The following FBXL4 variants were observed in gnomAD, a reference collection of about 807,000 sequenced individuals.
FBXL4 encodes F-box/LRR-repeat protein 4.
In FBXL4, 40 loss-of-function variants were observed where a neutral mutation model predicts 58.9. The ratio of observed to expected loss-of-function variants is 0.68; its 90% CI spans 0.53 to 0.88. The LOEUF (loss-of-function observed/expected upper bound fraction) is 0.88, where lower values mean the gene tolerates loss of function less well. FBXL4 is among the 40% of genes least tolerant of loss of function. FBXL4 has a pLI of 0.00. For missense variants in FBXL4, 676 were observed against 734.4 expected, an observed-to-expected ratio of 0.92 and a Z score of 0.92; for synonymous variants, 263 against 265.5, an observed-to-expected ratio of 0.99 and a Z score of 0.09.
At chr6:98,929,618 G>C (rs1188301624) in intron 2 of FBXL4, among the ~76,000 whole-genome samples, 3 of 149,334 alleles carry the variant, frequency 2.0e-5, no homozygotes, top group Non-Finnish European at 3.0e-5. Flanking sequence ...GCAGAAAAAA[G>C]AAAGTCAATG....
chr6:98,917,865 T>C (rs1772429839), intron 4 of FBXL4, 146 bp from the exon 5 acceptor site: 3 of 585,036 alleles, frequency 5.1e-6, no homozygotes. Context: ...GTTCCCAAGA[T>C]ATAAAAAACT....
At position 98,922,418 on chromosome 6, in the gene FBXL4, C is replaced by T. The variant is rs1212621513; in HGVS notation, c.512+4059G>A. Among the ~76,000 whole-genome samples, 6 of 152,190 alleles carry T rather than the reference C, an allele frequency of 3.9e-5. No individual in the cohort carries two copies. In the East Asian group the frequency reaches 1.2e-3, roughly 29 times the overall value. On this transcript the variant is annotated intron_variant, in intron 4 of 9. Coordinates refer to ENST00000369244, the MANE Select transcript of FBXL4 (RefSeq NM_001278716.2). ...CAATTTCCTGCAAATTCCTGAGCTA[C>T]TCCAACACATTCTTGTTTGTTAACT...
At chr6:98,912,947 A>G (rs1772157536) in intron 5 of FBXL4, among the ~76,000 whole-genome samples, 1 of 152,012 alleles carries the variant, frequency 6.6e-6, no homozygotes, top group Non-Finnish European at 1.5e-5. Flanking sequence ...ACGTGCAGAG[A>G]CACACATAGG....
At chr6:98,924,660 A>G (rs1772706514) in intron 4 of FBXL4, among the ~76,000 whole-genome samples, 1 of 152,218 alleles carries the variant, frequency 6.6e-6, no homozygotes, top group African/African-American at 2.4e-5. Context: ...AAAACGACTA[A>G]TAACATTATT....
chr6:98,877,709 A>G (rs933624216), intron 8 of FBXL4, among the ~76,000 whole-genome samples: 2 of 152,218 alleles, frequency 1.3e-5, no homozygotes, highest in African/African-American at 4.8e-5. Flanking sequence ...GCAAGAATTT[A>G]AGTGACCTAA....
rs1582353920 is a variant in FBXL4 at position 98,872,300 on chromosome 6, C to T, written c.*1978G>A. The T allele has an allele frequency of 6.6e-6, 1 of 152,094 alleles. No individual in the cohort carries two copies. Among genetic ancestry groups the T allele is most frequent in the Non-Finnish European group, 1.5e-5 (1 of 68,020 alleles). The allele number at this position is 152,094 out of a possible 1,614,324, so 9.4% of individuals were successfully genotyped here. On this transcript the variant is annotated 3_prime_UTR_variant, in exon 10 of 10. Coordinates refer to ENST00000369244, the MANE Select transcript of FBXL4 (RefSeq NM_001278716.2). The stretch of plus-strand genomic sequence containing the variant: ...TAATAACATGCTAAAAGGAAAATAT[C>T]CAGAGAAGAAGTAACCTTTCAAGTG...
intron 1 of FBXL4, among the ~76,000 whole-genome samples, chr6:98,937,058 C>T (rs1298995527): frequency 6.6e-6 from 1 of 152,098 alleles, no homozygotes; most frequent in African/African-American, 2.4e-5. Flanking sequence ...GCCTGTAATC[C>T]CAGCATTTTG....
intron 3 of FBXL4, 77 bp from the exon 4 acceptor site, chr6:98,927,137 C>A: frequency 3.1e-6 from 2 of 654,652 alleles, no homozygotes; most frequent in Non-Finnish European, 5.0e-6. Context: ...AATGAACAGG[C>A]TCTACCCTCA....
intron 5 of FBXL4, among the ~76,000 whole-genome samples, chr6:98,907,832 A>G (rs1038568640): frequency 6.6e-6 from 1 of 152,174 alleles, no homozygotes; most frequent in African/African-American, 2.4e-5. Flanking sequence ...ACGCAGAGTA[A>G]CAACAACATG....
chr6:98,930,037 A>C (rs1375570179), intron 2 of FBXL4, among the ~76,000 whole-genome samples: 1 of 152,214 alleles, frequency 6.6e-6, no homozygotes, highest in Non-Finnish European at 1.5e-5. Flanking sequence ...ACCTGGTAAG[A>C]GCAAATGTGA....
chr6:98,917,797 C>T lies in FBXL4; in HGVS notation c.513-78G>A, dbSNP rs1772427814. ...TCCCTTAAGGTTATAGACCCATGCC[C>T]AATATGTCACAGTGTGAAACAAAGT... On this transcript the variant is annotated intron_variant, in intron 4 of 9. Coordinates refer to ENST00000369244, the MANE Select transcript of FBXL4 (RefSeq NM_001278716.2). 1.5e-5 allele frequency: 14 copies of T among 922,520 alleles called. No individual in the cohort carries two copies. The South Asian group carries it at 2.4e-4, about 16-fold the overall frequency. The allele number at this position is 922,520 out of a possible 1,614,324, so 57.1% of individuals were successfully genotyped here.
intron 4 of FBXL4, 103 bp downstream of exon 4, chr6:98,926,374 A>T: frequency 7.9e-7 from 1 of 1,260,472 alleles, no homozygotes; most frequent in Non-Finnish European, 1.1e-6. Context: ...AATCAAATTC[A>T]ATTAAGTTAC....
chr6:98,905,522 G>A lies in FBXL4; in HGVS notation c.1007C>T (p.Ser336Phe), dbSNP rs1331125714. The A allele has an allele frequency of 6.2e-7, 1 of 1,614,038 alleles. No homozygotes were observed. Among genetic ancestry groups the A allele is most frequent in the South Asian group, 1.1e-5 (1 of 91,076 alleles). The change falls in exon 6 of 10, where the codon TCT (serine) becomes TTT (phenylalanine). Residue 336 changes from serine to phenylalanine, a missense_variant. Ser to Phe is a radical substitution (Grantham distance 155). Coordinates refer to ENST00000369244, the MANE Select transcript of FBXL4 (RefSeq NM_001278716.2). ...QPYWAKLDDT[S>F]LEFLQSRCTL... ...GCAGCGAGACTGTAGAAATTCCAGAGAAGTGTCATCTAGTTTTGCCCAGTA... is the reference window on the plus strand; with the variant it reads ...GCAGCGAGACTGTAGAAATTCCAGAAAAGTGTCATCTAGTTTTGCCCAGTA...
Position 98,917,462 on chromosome 6 carries a change from C to T in FBXL4, c.770G>A (p.Cys257Tyr). The change falls in exon 5 of 10, where the codon TGT (cysteine) becomes TAT (tyrosine). Residue 257 changes from cysteine to tyrosine, a missense_variant. Transcript: ENST00000369244. ...EDDAYAEKDG[C>Y]GMDSLNKKFS... ...CTTTTTGTTAAGACTGTCCATTCCA[C>T]AACCATCCTTTTCTGCATAGGCATC... 1 of 1,614,068 alleles carries T rather than the reference C, an allele frequency of 6.2e-7. No homozygotes were observed. Among genetic ancestry groups the T allele is most frequent in the Non-Finnish European group, 8.5e-7 (1 of 1,179,956 alleles).
At chr6:98,891,099 T>C (rs1771210553) in intron 7 of FBXL4, among the ~76,000 whole-genome samples, 1 of 152,198 alleles carries the variant, frequency 6.6e-6, no homozygotes, top group Admixed American at 6.5e-5. Flanking sequence ...AAATACACAA[T>C]ATGGTATAGA....
At chr6:98,886,972 G>A (rs989813250) in intron 7 of FBXL4, among the ~76,000 whole-genome samples, 1 of 152,164 alleles carries the variant, frequency 6.6e-6, no homozygotes, top group African/African-American at 2.4e-5. Context: ...AGTAAGGCCA[G>A]GTGTGGTGGC....
chr6:98,943,744 G>A (rs555425895), intron 1 of FBXL4, among the ~76,000 whole-genome samples: 2 of 152,082 alleles, frequency 1.3e-5, no homozygotes, highest in African/African-American at 2.4e-5. Flanking sequence ...ATAAACATAT[G>A]GACAAAAAAG....
intron 5 of FBXL4, among the ~76,000 whole-genome samples, chr6:98,911,812 C>T (rs934873514): frequency 6.6e-6 from 1 of 152,212 alleles, no homozygotes; most frequent in Non-Finnish European, 1.5e-5. Context: ...GGCAATGGAA[C>T]AAAGCTGGAC....
chr6:98,935,650 G>A (rs987547513), intron 1 of FBXL4, among the ~76,000 whole-genome samples: 168 of 151,212 alleles, frequency 1.1e-3, no homozygotes, highest in African/African-American at 1.5e-3. Flanking sequence ...TTAGCCGGGC[G>A]CGGTGGCGGG....
Sources: allele counts gnomAD v4.1 joint callset (sites outside exome capture counted in the v4.1 genomes callset), GRCh38; gene constraint gnomAD v4.1.1; transcripts MANE v1.5; gene names NCBI Gene and HGNC (gene_info 2026-07-23, HGNC 2026-07-21).